ZNF626: variants seen among roughly 807,000 people sequenced by gnomAD.
ZNF626 encodes the protein zinc finger protein 626.
A neutral mutation model predicts 11.7 loss-of-function variants in ZNF626; 4 were observed. The ratio of observed to expected loss-of-function variants is 0.34; its 90% confidence interval spans 0.17 to 0.78. The LOEUF (loss-of-function observed/expected upper bound fraction) is 0.78. Among genes scored for constraint, ZNF626 ranks in the 30% least tolerant of loss-of-function variants. ZNF626 has a pLI of 0.57. For missense variants in ZNF626, 588 were observed against 587.1 expected (o/e 1.00, Z -0.01); for synonymous variants, 179 against 198.6 (o/e 0.90, Z 0.83).
chr19:20,654,835 T>C (rs1970187783), intron 1 of ZNF626, among the ~76,000 whole-genome samples: 1 of 151,836 alleles, frequency 6.6e-6, no homozygotes, highest in African/African-American at 2.4e-5. Flanking sequence ...TAGAAAATAC[T>C]GTTTATGGCT....
chr19:20,646,864 A>G (rs781970965), intron 1 of ZNF626, among the ~76,000 whole-genome samples: 3 of 152,124 alleles, frequency 2.0e-5, no homozygotes, highest in Non-Finnish European at 4.4e-5. Context: ...TTATTTATTT[A>G]GAGATGGAGT....
chr19:20,661,563 G>C lies in ZNF626; in HGVS notation c.-117C>G. 8.1e-7 allele frequency: 1 copy of C among 1,232,214 alleles called. No homozygotes were observed. Among genetic ancestry groups the C allele is most frequent in the Non-Finnish European group, 1.2e-6 (1 of 865,930 alleles). The allele number at this position is 1,232,214 out of a possible 1,614,324, so 76.3% of individuals were successfully genotyped here. ...AACCAGACCTGGAGCTCTGACTGCA[G>C]CGAGAGACAAAGGCCGCACCAAACC... On this transcript the variant is annotated 5_prime_UTR_variant, in exon 1 of 4. Transcript: ENST00000601440.
Position 20,643,813 on chromosome 19 carries a change from G to A in ZNF626, c.226+1871C>T, listed in dbSNP as rs551202022. ...ACCAGCCTTGGTTATGTAGCAAGAC[G>A]TCATCTCCAAAATAAGTGCCTCTAA... On this transcript the variant is annotated intron_variant, in intron 3 of 3. Coordinates refer to ENST00000601440, the MANE Select transcript of ZNF626 (RefSeq NM_001076675.3). 1.6e-4 allele frequency among the ~76,000 whole-genome samples: 24 copies of A among 152,254 alleles called. No individual in the cohort carries two copies. The South Asian group carries it at 4.8e-3, about 30-fold the overall frequency.
chr19:20,637,555 A>G (rs1165601129), intron 3 of ZNF626, among the ~76,000 whole-genome samples: 1 of 152,010 alleles, frequency 6.6e-6, no homozygotes, highest in Non-Finnish European at 1.5e-5. Flanking sequence ...TCAATAAAAA[A>G]CTGGAAAATG....
At chr19:20,659,630 A>G (rs2144798725) in intron 1 of ZNF626, among the ~76,000 whole-genome samples, 1 of 152,050 alleles carries the variant, frequency 6.6e-6, no homozygotes, top group Admixed American at 6.5e-5. Context: ...AATGTAGGAG[A>G]AAAGCCCTTT....
At position 20,625,667 on chromosome 19, in the gene ZNF626, A is replaced by C. The variant is rs782691902; in HGVS notation, c.227-17T>G. 1.1e-5 allele frequency: 17 copies of C among 1,517,512 alleles called. No homozygotes were observed. Among genetic ancestry groups the C allele is most frequent in the Non-Finnish European group, 1.4e-5 (16 of 1,137,696 alleles). The allele number at this position is 1,517,512 out of a possible 1,614,324, so 94.0% of individuals were successfully genotyped here. ...AACACATTACTGAAAGAAACAATAAAAACACATTACTTCAATTGGTAGACT... is the reference window on the plus strand; with the variant it reads ...AACACATTACTGAAAGAAACAATAACAACACATTACTTCAATTGGTAGACT... On this transcript the variant is annotated splice_polypyrimidine_tract_variant and intron_variant, in intron 3 of 3. Transcript: ENST00000601440.
chr19:20,642,064 C>T (rs1037324940), intron 3 of ZNF626, among the ~76,000 whole-genome samples: 1 of 152,074 alleles, frequency 6.6e-6, no homozygotes, highest in African/African-American at 2.4e-5. Flanking sequence ...TTCATGACTA[C>T]TCACTTAGAC....
chr19:20,638,045 A>G (rs1163712191), intron 3 of ZNF626, among the ~76,000 whole-genome samples: 1 of 152,026 alleles, frequency 6.6e-6, no homozygotes, highest in Non-Finnish European at 1.5e-5. Flanking sequence ...AGAGGCTAAA[A>G]TGAGAGGATA....
chr19:20,637,227 G>T (rs782469215), intron 3 of ZNF626, among the ~76,000 whole-genome samples: 4 of 152,134 alleles, frequency 2.6e-5, no homozygotes, highest in Non-Finnish European at 4.4e-5. Flanking sequence ...AGTGGCTCAT[G>T]CCTGTAAGCC....
chr19:20,661,115 G>C (rs558587110), intron 1 of ZNF626, among the ~76,000 whole-genome samples: 1 of 152,296 alleles, frequency 6.6e-6, no homozygotes, highest in Non-Finnish European at 1.5e-5. Context: ...TCATGAACCC[G>C]CACCCCGAGT....
At chr19:20,630,541 T>G (rs1296098480) in intron 3 of ZNF626, among the ~76,000 whole-genome samples, 6 of 152,226 alleles carry the variant, frequency 3.9e-5, no homozygotes, top group Non-Finnish European at 7.3e-5. Flanking sequence ...TATCCATTTC[T>G]TCTAGATTTT....
rs1555769447 is a variant in ZNF626 at position 20,625,329 on chromosome 19, T to C, written c.548A>G (p.Lys183Arg). 1.2e-6 allele frequency: 2 copies of C among 1,613,662 alleles called. No individual in the cohort carries two copies. Among genetic ancestry groups the C allele is most frequent in the East Asian group, 4.5e-5 (2 of 44,860 alleles). Residue 183 changes from lysine to arginine, a missense_variant, in exon 4 of 4, where the codon AAG (lysine) becomes AGG (arginine). Physicochemically the swap from Lys to Arg is conservative, Grantham distance 26 (BLOSUM62 2). Coordinates refer to ENST00000601440, the MANE Select transcript of ZNF626 (RefSeq NM_001076675.3). Reference sequence around the variant, plus strand: ...ATGTGTAGTAAGAGTTGAGAACTGCTTAAAAGCTTTGCCACATTCTATATA... The same window carrying C: ...ATGTGTAGTAAGAGTTGAGAACTGCCTAAAAGCTTTGCCACATTCTATATA... Reference protein sequence around the residue: ...FKYIECGKAFKQFSTLTTHKK... With the variant: ...FKYIECGKAFRQFSTLTTHKK...
chr19:20,626,058 C>G lies in ZNF626; in HGVS notation c.227-408G>C, dbSNP rs782219943. Among the ~76,000 whole-genome samples the G allele has an allele frequency of 5.3e-5, 8 of 152,022 alleles. No individual in the cohort carries two copies. In the South Asian group the frequency reaches 1.7e-3, roughly 32 times the overall value. ...TGGGTGGATCAGAAGGTCAGGAGTT[C>G]AAGACCATCTTGGCAAAGATGATGA... On this transcript the variant is annotated intron_variant, in intron 3 of 3. Coordinates refer to ENST00000601440, the MANE Select transcript of ZNF626 (RefSeq NM_001076675.3).
At chr19:20,626,312 A>G (rs1292549412) in intron 3 of ZNF626, among the ~76,000 whole-genome samples, 13 of 152,196 alleles carry the variant, frequency 8.5e-5, no homozygotes, top group Non-Finnish European at 7.3e-5. Context: ...TAATGTAAAA[A>G]TCTCAAAGAT....
intron 3 of ZNF626, chr19:20,645,314 A>G (rs996460989): frequency 1.3e-6 from 2 of 1,550,328 alleles, no homozygotes; most frequent in Non-Finnish European, 8.6e-7. Flanking sequence ...GAGAACTTTG[A>G]GAGTAATTTT....
At position 20,623,553 on chromosome 19, in the gene ZNF626, CT is replaced by C. The variant is rs1969781152; in HGVS notation, c.*736del. 2 of 157,908 alleles carry C rather than the reference CT, an allele frequency of 1.3e-5. No homozygotes were observed. Among genetic ancestry groups the C allele is most frequent in the African/African-American group, 2.4e-5 (1 of 41,446 alleles). The allele number at this position is 157,908 out of a possible 1,614,324, so 9.8% of individuals were successfully genotyped here. A position where few individuals can be genotyped will look rare whatever the true frequency, so the allele number is the denominator to read the frequency against. On this transcript the variant is annotated 3_prime_UTR_variant, in exon 4 of 4. Transcript: ENST00000601440. The stretch of plus-strand genomic sequence containing the variant: ...GTGGCTCATGCCTGTAATTGCAACA[CT>C]TTAGGAGGCTGAGGTGGGTGGATCA...
chr19:20,656,685 A>C (rs1555773151), intron 1 of ZNF626, among the ~76,000 whole-genome samples: 2 of 41,444 alleles, frequency 4.8e-5, no homozygotes, highest in South Asian at 1.9e-3. Flanking sequence ...AGCATTATTA[A>C]AAAAAAAAAA....
rs1379575026 is a variant in ZNF626, at chr19:20,622,904, T to C, written c.*1386A>G. Reference sequence around the variant, plus strand: ...TCTGCTGTTTTCTAAGCTGTAGTTTTTTTTTTTTAAAGTGTTTCCAAATTC... The same window carrying C: ...TCTGCTGTTTTCTAAGCTGTAGTTTCTTTTTTTTAAAGTGTTTCCAAATTC... On this transcript the variant is annotated 3_prime_UTR_variant, in exon 4 of 4. Transcript: ENST00000601440. 2.0e-5 allele frequency: 3 copies of C among 152,018 alleles called. No homozygotes were observed. The highest frequency in any genetic ancestry group is 7.2e-5 in the African/African-American group (3 of 41,398). 9.4% of individuals were successfully genotyped at this position (152,018 alleles called of 1,614,324 possible). A position where few individuals can be genotyped will look rare whatever the true frequency, so the allele number is the denominator to read the frequency against.
At chr19:20,630,871 G>T (rs1384954552) in intron 3 of ZNF626, among the ~76,000 whole-genome samples, 2 of 151,594 alleles carry the variant, frequency 1.3e-5, no homozygotes, top group Non-Finnish European at 2.9e-5. Flanking sequence ...GTGTTAGGGT[G>T]TCAATTTTAG....
Sources: allele counts gnomAD v4.1 joint callset (sites outside exome capture counted in the v4.1 genomes callset), GRCh38; gene constraint gnomAD v4.1.1; transcripts MANE v1.5; gene names NCBI Gene and HGNC (gene_info 2026-07-23, HGNC 2026-07-21).